XAF1: variants seen among roughly 807,000 people sequenced by gnomAD.
XAF1 encodes the protein XIAP-associated factor 1.
In XAF1, 32 loss-of-function variants were observed where a neutral mutation model predicts 32.3. That is an observed-to-expected ratio of 0.99 (90% confidence interval 0.75 to 1.33). The LOEUF (loss-of-function observed/expected upper bound fraction) is 1.33. Ranked by LOEUF, XAF1 falls within the 40% of genes most tolerant of loss-of-function variation. The pLI, the probability that XAF1 is intolerant of heterozygous loss-of-function variation, is 0.00. For missense variants in XAF1, 379 were observed against 366.0 expected (o/e 1.04, Z -0.29); for synonymous variants, 120 against 125.9 (o/e 0.95, Z 0.31).
intron 5 of XAF1, among the ~76,000 whole-genome samples, chr17:6,764,382 G>GT (rs1054114919): frequency 2.6e-5 from 4 of 152,054 alleles, no homozygotes; most frequent in African/African-American, 7.2e-5. Context: ...GGTCACACAA[G>GT]TTTTTTGCTA....
At chr17:6,756,384 G>A in intron 1 of XAF1, 2 of 919,656 alleles carry the variant, frequency 2.2e-6, no homozygotes, top group Non-Finnish European at 3.0e-6. Flanking sequence ...CCCGGCCAGT[G>A]GTCCCAACTG....
At chr17:6,771,398 G>A (rs2151561504) in intron 6 of XAF1, 1 of 155,336 alleles carries the variant, frequency 6.4e-6, no homozygotes, top group Non-Finnish European at 1.4e-5. Flanking sequence ...TAAGCCAGTT[G>A]GTGGTGGCTT....
chr17:6,763,157 T>C (rs1305053338), intron 5 of XAF1, among the ~76,000 whole-genome samples: 2 of 152,204 alleles, frequency 1.3e-5, no homozygotes, highest in East Asian at 1.9e-4. Context: ...CAACCACTAA[T>C]CTGCTTTCTA....
chr17:6,755,653 C>G, upstream of XAF1: 2 of 1,031,860 alleles, frequency 1.9e-6, no homozygotes, highest in South Asian at 3.7e-5. Context: ...CTCAACATGG[C>G]AAGTTCCCTC....
At chr17:6,770,563 T>C in intron 5 of XAF1, 80 bp from the exon 6 acceptor site, 2 of 1,164,932 alleles carry the variant, frequency 1.7e-6, no homozygotes, top group Non-Finnish European at 2.4e-6. Flanking sequence ...GGGAATTTCT[T>C]GTGTTATCTA....
chr17:6,765,451 A>T (rs9911152), intron 5 of XAF1, among the ~76,000 whole-genome samples: 2,560 of 152,306 alleles, frequency 0.017, 80 homozygotes, highest in African/African-American at 0.059. Context: ...AAAATTTTTT[A>T]AAAAGCCATA....
In XAF1 at chr17:6,759,661, G is replaced by C; in HGVS notation, c.169-1G>C. On this transcript the variant is annotated splice_acceptor_variant, in intron 2 of 6. Coordinates refer to ENST00000361842, the MANE Select transcript of XAF1 (RefSeq NM_017523.5). LOFTEE classifies it high-confidence loss of function. Reference sequence around the variant, plus strand: ...GTGTGTGTGTGTGTGTGTGTGTTTAGGTTGGGTGTACGATGTGTCAGCAGA... The same window carrying C: ...GTGTGTGTGTGTGTGTGTGTGTTTACGTTGGGTGTACGATGTGTCAGCAGA... 1 of 1,609,682 alleles carries C rather than the reference G, an allele frequency of 6.2e-7. No individual in the cohort carries two copies. The highest frequency in any genetic ancestry group is 8.5e-7 in the Non-Finnish European group (1 of 1,179,278).
chr17:6,770,379 C>T (rs1294337126), intron 5 of XAF1, among the ~76,000 whole-genome samples: 1 of 152,204 alleles, frequency 6.6e-6, no homozygotes, highest in Admixed American at 6.5e-5. Context: ...GAAGGCCCCA[C>T]CTCTTAATAC....
chr17:6,770,369 G>T (rs934488471), intron 5 of XAF1, among the ~76,000 whole-genome samples: 1 of 152,084 alleles, frequency 6.6e-6, no homozygotes, highest in East Asian at 1.9e-4. Flanking sequence ...AATCACCCCC[G>T]AAGGCCCCAC....
intron 1 of XAF1, 62 bp downstream of exon 1, chr17:6,756,172 A>C (rs1974637304): frequency 1.9e-6 from 3 of 1,599,034 alleles, no homozygotes; most frequent in South Asian, 2.2e-5. Flanking sequence ...TAGACGACAT[A>C]GGGCTGTTTC....
chr17:6,756,244 G>T (rs944419225), intron 1 of XAF1, 134 bp downstream of exon 1: 2 of 1,515,226 alleles, frequency 1.3e-6, no homozygotes, highest in Non-Finnish European at 1.8e-6. Context: ...GCTGGAGACC[G>T]TGGGCCCCAA....
At chr17:6,763,805 C>T (rs1381375851) in intron 5 of XAF1, among the ~76,000 whole-genome samples, 3 of 152,178 alleles carry the variant, frequency 2.0e-5, no homozygotes, top group African/African-American at 7.2e-5. Context: ...CATGATTTCC[C>T]AGGCATTTCA....
At chr17:6,756,038 C>G (rs761292537), upstream of XAF1, 1 of 1,613,480 alleles carries the variant, frequency 6.2e-7, no homozygotes, top group Non-Finnish European at 8.5e-7. Flanking sequence ...TCCTTGCCTG[C>G]AAGAAACGAA....
chr17:6,769,671 C>T (rs1975875068), intron 5 of XAF1, among the ~76,000 whole-genome samples: 1 of 152,076 alleles, frequency 6.6e-6, no homozygotes, highest in South Asian at 2.1e-4. Flanking sequence ...CTATGAGGAT[C>T]CTCTATGACC....
intron 2 of XAF1, chr17:6,759,422 C>T (rs1597718922): frequency 7.1e-7 from 1 of 1,403,632 alleles, no homozygotes; most frequent in Non-Finnish European, 9.2e-7. Context: ...CCTGATCTGT[C>T]TCTCTGGAGA....
chr17:6,757,467 C>G (rs552773150), intron 1 of XAF1: 1 of 152,242 alleles, frequency 6.6e-6, no homozygotes, highest in Non-Finnish European at 1.5e-5. Flanking sequence ...GGGAAGCTCT[C>G]GCTTTGGAGA....
Position 6,758,235 on chromosome 17 carries a change from G to A in XAF1, c.168+11G>A, listed in dbSNP as rs182188452. The A allele has an allele frequency of 1.2e-4, 195 of 1,613,922 alleles. No homozygotes were observed. In the African/African-American group the frequency reaches 1.3e-3, roughly 11 times the overall value. On this transcript the variant is annotated intron_variant, in intron 2 of 6. Coordinates refer to ENST00000361842, the MANE Select transcript of XAF1 (RefSeq NM_017523.5). The stretch of plus-strand genomic sequence containing the variant: ...CTTGAGCACCAGCAGGTGAGGAGGC[G>A]GCAGGGAGGATGGGGTCTGAGAGTC...
intron 5 of XAF1, among the ~76,000 whole-genome samples, chr17:6,762,557 T>TAGA (rs1177149701): frequency 6.6e-6 from 1 of 152,162 alleles, no homozygotes; most frequent in East Asian, 1.9e-4. Flanking sequence ...GGGCCTGTCT[T>TAGA]ACTGTTTTCG....
chr17:6,762,779 G>A (rs116000904), intron 5 of XAF1, among the ~76,000 whole-genome samples: 90 of 152,304 alleles, frequency 5.9e-4, no homozygotes, highest in African/African-American at 2.1e-3. Context: ...GCTGTGCCAA[G>A]TTGCTCCCTT....
Sources: allele counts gnomAD v4.1 joint callset (sites outside exome capture counted in the v4.1 genomes callset), GRCh38; gene constraint gnomAD v4.1.1; transcripts MANE v1.5; gene names NCBI Gene and HGNC (gene_info 2026-07-23, HGNC 2026-07-21).